SRGAP3: variants seen among roughly 807,000 people sequenced by gnomAD.
SRGAP3 encodes the protein SLIT-ROBO Rho GTPase-activating protein 3.
SRGAP3 carries 39 observed loss-of-function variants against 121.1 expected under a neutral mutation model. The observed-to-expected ratio is 0.32, with a 90% CI of 0.25 to 0.42. The LOEUF (loss-of-function observed/expected upper bound fraction) is 0.42. Ranked by LOEUF, SRGAP3 falls within the 10% of genes least tolerant of loss-of-function variation. SRGAP3 has a pLI of 1.00. For missense variants in SRGAP3, 1,213 were observed against 1,470.6 expected, an observed-to-expected ratio of 0.82 and a Z score of 2.86; for synonymous variants, 601 against 570.0, an observed-to-expected ratio of 1.05 and a Z score of -0.77.
In SRGAP3 at chr3:8,983,815, T is replaced by C. The variant is rs1358264849; in HGVS notation, c.*1704A>G. On this transcript the variant is annotated 3_prime_UTR_variant, in exon 22 of 22. Transcript: ENST00000383836. ...AACAGTCAGGCTCAATGAGGTGGAGTGACAAACCCTAAGTCAGAAGGCTCC... is the reference window on the plus strand; with the variant it reads ...AACAGTCAGGCTCAATGAGGTGGAGCGACAAACCCTAAGTCAGAAGGCTCC... The C allele has an allele frequency of 2.6e-5, 6 of 229,954 alleles. No homozygotes were observed. Among genetic ancestry groups the C allele is most frequent in the African/African-American group, 6.7e-5 (3 of 45,092 alleles). The allele number at this position is 229,954 out of a possible 1,614,324, so 14.2% of individuals were successfully genotyped here. A position where few individuals can be genotyped will look rare whatever the true frequency, so the allele number is the denominator to read the frequency against.
intron 1 of SRGAP3, among the ~76,000 whole-genome samples, chr3:9,184,191 G>A (rs1951524065): frequency 2.0e-5 from 3 of 152,112 alleles, no homozygotes; most frequent in Non-Finnish European, 2.9e-5. Flanking sequence ...AATTAATATT[G>A]GGCAAGGTGA....
intron 1 of SRGAP3, among the ~76,000 whole-genome samples, chr3:9,146,146 G>A (rs1950016487): frequency 6.6e-6 from 1 of 152,230 alleles, no homozygotes; most frequent in Non-Finnish European, 1.5e-5. Flanking sequence ...GGGACAGGGA[G>A]ACTCAACTAA....
rs141594000 is a variant in SRGAP3, at chr3:9,243,154, T to C, written c.67+5731A>G. Among the ~76,000 whole-genome samples, 149 of 152,256 alleles carry C rather than the reference T, an allele frequency of 9.8e-4. 6 individuals are homozygous for C. The East Asian group carries it at 0.028, about 28-fold the overall frequency. On this transcript the variant is annotated intron_variant, in intron 1 of 21. Coordinates refer to ENST00000383836, the MANE Select transcript of SRGAP3 (RefSeq NM_014850.4). ...AAGGTTTGGAACAGAGGGGGAGATA[T>C]GAGGGGACCACTAATTCTGCCTAGA...
At chr3:8,993,190 C>T in intron 19 of SRGAP3, 135 bp from the exon 20 acceptor site, 2 of 1,381,680 alleles carry the variant, frequency 1.4e-6, no homozygotes, top group East Asian at 4.9e-5. Context: ...GCTTGCTAGG[C>T]CACTGCCCAC....
At chr3:9,270,498 G>A (rs926218685) in intron 3 of SRGAP3, among the ~76,000 whole-genome samples, 5 of 152,138 alleles carry the variant, frequency 3.3e-5, no homozygotes, top group Non-Finnish European at 7.4e-5. Flanking sequence ...AGTTACCCAA[G>A]TGCATACGCT....
chr3:9,252,070 G>A (rs966511529), upstream of SRGAP3, among the ~76,000 whole-genome samples: 6 of 152,254 alleles, frequency 3.9e-5, no homozygotes, highest in African/African-American at 1.4e-4. Context: ...TTGGATCATG[G>A]GGATGGATCC....
intron 4 of SRGAP3, among the ~76,000 whole-genome samples, chr3:9,067,557 AG>A (rs1560062019): frequency 6.6e-6 from 1 of 152,072 alleles, no homozygotes; most frequent in East Asian, 1.9e-4. Flanking sequence ...AGTGGCCAAA[AG>A]GGGTGACTGC....
intron 3 of SRGAP3, among the ~76,000 whole-genome samples, chr3:9,323,263 G>C (rs1045562737): frequency 2.0e-5 from 3 of 151,842 alleles, no homozygotes; most frequent in Non-Finnish European, 2.9e-5. Flanking sequence ...ATGATTACAT[G>C]AATCTGTGTA....
At position 9,109,467 on chromosome 3, in the gene SRGAP3, C is replaced by A. The variant is rs1948537501; in HGVS notation, c.261-4625G>T. On this transcript the variant is annotated intron_variant, in intron 2 of 21. Coordinates refer to ENST00000383836, the MANE Select transcript of SRGAP3 (RefSeq NM_014850.4). This position sits in a 1 kb window ranked among gnomAD's most constrained non-coding sequence, Gnocchi z 4.4. ...GGAGGAGGATGTTACCCGAAAGCAG[C>A]CAAAGACTCAAGTTGAAGTGAGCAG... is the stretch of plus-strand genomic sequence containing the variant. 6.6e-6 allele frequency among the ~76,000 whole-genome samples: 1 copy of A among 152,172 alleles called. No individual in the cohort carries two copies.
intron 21 of SRGAP3, 88 bp downstream of exon 21, chr3:8,990,424 G>A (rs1054979435): frequency 6.7e-7 from 1 of 1,501,960 alleles, no homozygotes; most frequent in African/African-American, 1.4e-5. Flanking sequence ...CTGGCATAAA[G>A]GCCAAGGTGG....
At chr3:9,345,785 CAAAA>C (rs34225108) in intron 1 of SRGAP3, among the ~76,000 whole-genome samples, 3 of 65,268 alleles carry the variant, frequency 4.6e-5, no homozygotes, top group Non-Finnish European at 9.9e-5. Flanking sequence ...GACTCCAACT[CAAAA>C]AAAAAAAAAA....
intron 4 of SRGAP3, among the ~76,000 whole-genome samples, chr3:9,076,369 A>T (rs1190900482): frequency 6.6e-6 from 1 of 152,148 alleles, no homozygotes; most frequent in Non-Finnish European, 1.5e-5. Context: ...AATATATATA[A>T]AATACCTAAT....
intron 1 of SRGAP3, among the ~76,000 whole-genome samples, chr3:9,188,678 G>T (rs1951668870): frequency 6.6e-6 from 1 of 152,132 alleles, no homozygotes; most frequent in South Asian, 2.1e-4. Context: ...GCCTCTCTTT[G>T]GTGCCATATC....
intron 14 of SRGAP3, among the ~76,000 whole-genome samples, chr3:9,016,322 G>A (rs1024998529): frequency 3.9e-5 from 6 of 152,018 alleles, no homozygotes; most frequent in Non-Finnish European, 8.8e-5. Context: ...AATATGCCCC[G>A]ATATTTTTGT....
chr3:9,216,606 CACAA>C (rs1410004196), intron 1 of SRGAP3: 2 of 152,666 alleles, frequency 1.3e-5, no homozygotes, highest in African/African-American at 2.4e-5. Context: ...TACGCACTGT[CACAA>C]ACAACGATTC....
At chr3:9,111,199 G>A (rs1315752389) in intron 2 of SRGAP3, among the ~76,000 whole-genome samples, 1 of 152,210 alleles carries the variant, frequency 6.6e-6, no homozygotes, top group Non-Finnish European at 1.5e-5. Context: ...ATGAGCCCAC[G>A]AATGTGGGTA....
At chr3:9,242,512 G>A (rs1953682039) in intron 1 of SRGAP3, among the ~76,000 whole-genome samples, 1 of 151,618 alleles carries the variant, frequency 6.6e-6, no homozygotes, top group South Asian at 2.1e-4. Context: ...GCGAGTGCCT[G>A]TAGTCCCAGC....
Position 8,990,551 on chromosome 3 carries a change from T to C in SRGAP3, c.2847A>G (p.Leu949=). The C allele has an allele frequency of 6.3e-7, 1 of 1,575,282 alleles. No homozygotes were observed. Among genetic ancestry groups the C allele is most frequent in the East Asian group, 2.3e-5 (1 of 42,970 alleles). The change falls in exon 21 of 22, where the codon CTA becomes CTG. Residue 949 remains leucine, a synonymous_variant. Transcript: ENST00000383836. The part of the protein sequence containing the change: ...STCGSTRHSS[L]GDHKSLEAEA... ...CGGCCTCCAGGGACTTGTGGTCCCC[T>C]AGGCTGCTGTGCCTGGTGGAACCGC... is the stretch of plus-strand genomic sequence containing the variant.
At position 9,249,281 on chromosome 3, in the gene SRGAP3, T is replaced by A. The variant is rs1953933348; in HGVS notation, c.-330A>T. 2.2e-6 allele frequency: 1 copy of A among 459,806 alleles called. No homozygotes were observed. Among genetic ancestry groups the A allele is most frequent in the Non-Finnish European group, 4.0e-6 (1 of 248,224 alleles). 28.5% of individuals were successfully genotyped at this position (459,806 alleles called of 1,614,324 possible). On this transcript the variant is annotated 5_prime_UTR_variant, in exon 1 of 22. An upstream open reading frame in the 5' UTR loses its in-frame stop. Transcript: ENST00000383836. ...TAATAATAGTAATAACCAAGCGCAC[T>A]CACACACACATGCACACGTACACAC...
Sources: gnomAD v4.1 joint callset for allele counts (sites outside exome capture counted in the v4.1 genomes callset) on GRCh38, gnomAD v4.1.1 for gene constraint, Gnocchi (gnomAD v3.1) non-coding constraint, MANE v1.5 for transcripts, NCBI Gene and HGNC (gene_info 2026-07-23, HGNC 2026-07-21) for gene names.